The following DPP6 variants were observed in gnomAD, a reference collection of about 807,000 sequenced individuals.
DPP6 encodes the protein dipeptidyl peptidase like 6.
DPP6 carries 69 observed loss-of-function variants against 122.6 expected under a neutral mutation model. That is an observed-to-expected ratio of 0.56 (90% CI 0.46 to 0.69). DPP6 has a LOEUF of 0.69. Ranked by LOEUF, DPP6 falls within the 30% of genes least tolerant of loss-of-function variation. The pLI is 0.00. For synonymous variants in DPP6, 418 were observed against 433.1 expected (o/e 0.97, Z 0.43); for missense variants, 928 against 1,116.9 (o/e 0.83, Z 2.41).
Position 154,885,550 on chromosome 7 carries a change from T to G in DPP6, c.2134-83T>G, listed in dbSNP as rs1806075758. ...AGAACCTGCATGGAACTGGCTGCTC[T>G]GGGGCTGTCTCCCTGCCCGAGGCTG... On this transcript the variant is annotated intron_variant, in intron 21 of 25. Coordinates refer to ENST00000377770, the MANE Select transcript of DPP6 (RefSeq NM_130797.4). The G allele has an allele frequency of 2.0e-6, 3 of 1,515,328 alleles. No individual in the cohort carries two copies. In the East Asian group the frequency reaches 7.4e-5, roughly 37 times the overall value. 93.9% of individuals were successfully genotyped at this position (1,515,328 alleles called of 1,614,324 possible).
chr7:154,472,036 C>T (rs1054999470), intron 2 of DPP6, among the ~76,000 whole-genome samples: 34 of 151,998 alleles, frequency 2.2e-4, no homozygotes, highest in African/African-American at 7.0e-4. Flanking sequence ...AGAAAAAGCC[C>T]GAGGTGTGGG....
At chr7:153,791,251 C>T in the DPP6 span, among the ~76,000 whole-genome samples, 1 of 152,064 alleles carries the variant, frequency 6.6e-6, no homozygotes, top group African/African-American at 2.4e-5. Context: ...CACCTGAGAG[C>T]GTTCCATGCA....
intron 1 of DPP6, among the ~76,000 whole-genome samples, chr7:154,381,549 C>T (rs77578379): frequency 0.051 from 7,780 of 152,180 alleles, 636 homozygotes; most frequent in African/African-American, 0.17. Flanking sequence ...ACCATCCGTA[C>T]GCTCACACTT....
At chr7:154,811,749 G>A (rs547977934) in intron 16 of DPP6, among the ~76,000 whole-genome samples, 3 of 152,162 alleles carry the variant, frequency 2.0e-5, no homozygotes, top group Admixed American at 6.5e-5. Context: ...CTAGAGCAAC[G>A]TTTAGTCAAT....
chr7:154,627,991 C>A (rs747298469), intron 5 of DPP6, among the ~76,000 whole-genome samples: 2 of 152,176 alleles, frequency 1.3e-5, no homozygotes, highest in South Asian at 4.1e-4. Flanking sequence ...TAGCCAACAA[C>A]AAGAAGCAGT....
At chr7:154,516,203 G>A (rs1394922096) in intron 3 of DPP6, among the ~76,000 whole-genome samples, 1 of 151,624 alleles carries the variant, frequency 6.6e-6, no homozygotes, top group Non-Finnish European at 1.5e-5. Flanking sequence ...TTCCTGGAAG[G>A]GTGTTTTCCT....
At chr7:154,063,712 G>C (rs796205987) in intron 1 of DPP6, among the ~76,000 whole-genome samples, 7 of 149,094 alleles carry the variant, frequency 4.7e-5, no homozygotes, top group African/African-American at 1.8e-4. Flanking sequence ...GGTGGGGACT[G>C]AGAGCCAGCC....
At chr7:153,838,338 C>T in the DPP6 span, among the ~76,000 whole-genome samples, 1 of 152,110 alleles carries the variant, frequency 6.6e-6, no homozygotes, top group African/African-American at 2.4e-5. Flanking sequence ...TCTCTCTCCT[C>T]CATGCTAGGC....
chr7:154,416,785 C>T (rs545211733), intron 1 of DPP6, among the ~76,000 whole-genome samples: 5 of 27,812 alleles, frequency 1.8e-4, no homozygotes, highest in Admixed American at 6.0e-4. Flanking sequence ...TATAGAAATG[C>T]GGTTTTCCTG....
chr7:154,523,890 G>T (rs1215197760), intron 3 of DPP6, among the ~76,000 whole-genome samples: 2 of 152,148 alleles, frequency 1.3e-5, no homozygotes, highest in Non-Finnish European at 2.9e-5. Context: ...ATTGAGAATG[G>T]CGTATTTTCT....
chr7:154,493,505 C>G (rs924140382), intron 3 of DPP6, among the ~76,000 whole-genome samples: 1 of 148,818 alleles, frequency 6.7e-6, no homozygotes, highest in Non-Finnish European at 1.5e-5. Flanking sequence ...GACAGCAAAA[C>G]TAAAATATTT....
At chr7:153,946,921 A>C (rs1328763628) in intron 1 of DPP6, among the ~76,000 whole-genome samples, 8 of 152,058 alleles carry the variant, frequency 5.3e-5, no homozygotes, top group Non-Finnish European at 1.0e-4. Context: ...CCCGACATAA[A>C]ATGCGAATTT....
At chr7:153,900,813 T>C (rs1799613509) in intron 1 of DPP6, among the ~76,000 whole-genome samples, 1 of 152,144 alleles carries the variant, frequency 6.6e-6, no homozygotes, top group South Asian at 2.1e-4. Flanking sequence ...GCCTTATCCG[T>C]AGCACGCTTT....
In DPP6 at chr7:154,194,353, AT is replaced by A. The variant is rs1031490774; in HGVS notation, c.243+141297del. ...TGAATTGGTAATGAATCAGATGCAT[AT>A]TTTTTTCTCTTTTTGAACAGTTTTA... On this transcript the variant is annotated intron_variant, in intron 1 of 25. Coordinates refer to ENST00000377770, the MANE Select transcript of DPP6 (RefSeq NM_130797.4). 3.3e-5 allele frequency among the ~76,000 whole-genome samples: 5 copies of A among 152,158 alleles called. No homozygotes were observed. The South Asian group carries it at 8.3e-4, about 25-fold the overall frequency.
At chr7:154,867,641 A>G (rs567277665) in intron 17 of DPP6, among the ~76,000 whole-genome samples, 1 of 152,338 alleles carries the variant, frequency 6.6e-6, no homozygotes, top group South Asian at 2.1e-4. Context: ...CATTTGTCCT[A>G]ACAGATGTGT....
At chr7:154,246,383 A>C (rs1282277435) in intron 1 of DPP6, among the ~76,000 whole-genome samples, 1 of 152,238 alleles carries the variant, frequency 6.6e-6, no homozygotes, top group East Asian at 1.9e-4. Flanking sequence ...ATGTGAAAGA[A>C]AAAATAAAAT....
Position 153,993,894 on chromosome 7 carries a change from T to C in DPP6, c.51+106160T>C, listed in dbSNP as rs552294606. Among the ~76,000 whole-genome samples, 1,150 of 152,190 alleles carry C rather than the reference T, an allele frequency of 7.6e-3. 9 individuals carry two copies. The highest frequency in any genetic ancestry group is 0.026 in the African/African-American group (1,079 of 41,542). On this transcript the variant is annotated intron_variant, in intron 1 of 25. Transcript: ENST00000404039. Reference sequence around the variant, plus strand: ...ACCTGTATGCCCCAATTCTGGCCAATCTTGGCTAAGGTGCCAACTCTAACG... The same window carrying C: ...ACCTGTATGCCCCAATTCTGGCCAACCTTGGCTAAGGTGCCAACTCTAACG...
intron 1 of DPP6, among the ~76,000 whole-genome samples, chr7:154,389,750 C>T (rs1045637182): frequency 6.6e-6 from 1 of 152,116 alleles, no homozygotes; most frequent in Non-Finnish European, 1.5e-5. Context: ...CAAGTTTATT[C>T]TTAGACAAAA....
intron 1 of DPP6, among the ~76,000 whole-genome samples, chr7:154,216,267 C>T (rs1244187135): frequency 1.3e-5 from 2 of 152,210 alleles, no homozygotes; most frequent in African/African-American, 4.8e-5. Context: ...GGCGGACATG[C>T]CCAGAGACTG....
Sources: gnomAD v4.1 joint callset for allele counts (sites outside exome capture counted in the v4.1 genomes callset) on GRCh38, gnomAD v4.1.1 for gene constraint, MANE v1.5 for transcripts, NCBI Gene and HGNC (gene_info 2026-07-23, HGNC 2026-07-21) for gene names.